The following FAM81A variants were observed in gnomAD, a reference collection of about 807,000 sequenced individuals.
FAM81A encodes the protein protein FAM81A.
A neutral mutation model predicts 46.7 loss-of-function variants in FAM81A; 19 were observed. The ratio of observed to expected loss-of-function variants is 0.41; its 90% CI spans 0.28 to 0.60. The LOEUF is 0.60. FAM81A is among the 20% of genes least tolerant of loss of function. The pLI, the probability that FAM81A is intolerant of heterozygous loss-of-function variation, is 0.34. For missense variants in FAM81A, 377 were observed against 453.5 expected, an observed-to-expected ratio of 0.83 and a Z score of 1.53; for synonymous variants, 183 against 152.9, an observed-to-expected ratio of 1.20 and a Z score of -1.45.
intron 2 of FAM81A, among the ~76,000 whole-genome samples, chr15:59,409,442 G>T (rs937378102): frequency 6.6e-6 from 1 of 152,058 alleles, no homozygotes; most frequent in African/African-American, 2.4e-5. Flanking sequence ...ATGACCATGT[G>T]GTTCATTCCA....
intron 3 of FAM81A, among the ~76,000 whole-genome samples, chr15:59,488,146 A>G (rs541894107): frequency 5.8e-4 from 89 of 152,344 alleles, no homozygotes; most frequent in African/African-American, 2.1e-3. Flanking sequence ...GATACATCAT[A>G]TCAACAAAAT....
chr15:59,484,045 C>T (rs2081888002), intron 3 of FAM81A, among the ~76,000 whole-genome samples: 1 of 152,200 alleles, frequency 6.6e-6, no homozygotes, highest in African/African-American at 2.4e-5. Context: ...CCACAAGCCC[C>T]TTCCACTACT....
upstream of FAM81A, among the ~76,000 whole-genome samples, chr15:59,435,474 G>A (rs147908516): frequency 1.1e-4 from 16 of 152,048 alleles, 1 homozygote; most frequent in East Asian, 3.1e-3. Flanking sequence ...AAAAAAGTTA[G>A]CTGGGCATGG....
At chr15:59,506,788 G>A (rs188546042) in intron 4 of FAM81A, among the ~76,000 whole-genome samples, 2 of 152,272 alleles carry the variant, frequency 1.3e-5, no homozygotes, top group Admixed American at 6.5e-5. Context: ...ACAGCCTTAC[G>A]AGTGATTCAG....
intron 2 of FAM81A, 31 bp from the exon 3 acceptor site, chr15:59,459,902 A>G (rs1319574213): frequency 3.3e-6 from 5 of 1,530,976 alleles, no homozygotes; most frequent in Non-Finnish European, 3.5e-6. Flanking sequence ...ATTTTTTCCC[A>G]ATTAACAACC....
chr15:59,428,864 C>T (rs935306084), intron 2 of FAM81A, among the ~76,000 whole-genome samples: 13 of 152,200 alleles, frequency 8.5e-5, no homozygotes, highest in African/African-American at 3.1e-4. Context: ...CTCCTGAGCA[C>T]AAGTGATCTG....
chr15:59,523,371 G>A lies in FAM81A; in HGVS notation c.*1993G>A, dbSNP rs2141863366. The A allele has an allele frequency of 6.6e-6, 1 of 152,344 alleles. No individual in the cohort carries two copies. Among genetic ancestry groups the A allele is most frequent in the South Asian group, 2.1e-4 (1 of 4,826 alleles). 9.4% of individuals were successfully genotyped at this position (152,344 alleles called of 1,614,324 possible). A position where few individuals can be genotyped will look rare whatever the true frequency, so the allele number is the denominator to read the frequency against. On this transcript the variant is annotated 3_prime_UTR_variant, in exon 9 of 9. Transcript: ENST00000288228. ...AGACCGATTAAGTCAGAACCTCTGG[G>A]AGGTGGGTCGCAGGCATCAGTGCGT...
At chr15:59,509,014 T>C in intron 6 of FAM81A, 45 bp downstream of exon 6, 1 of 1,468,240 alleles carries the variant, frequency 6.8e-7, no homozygotes, top group South Asian at 1.2e-5. Flanking sequence ...AAGTTCTTTA[T>C]GAGTTTATGC....
At chr15:59,489,914 G>A (rs1167358270) in intron 3 of FAM81A, among the ~76,000 whole-genome samples, 1 of 152,108 alleles carries the variant, frequency 6.6e-6, no homozygotes, top group African/African-American at 2.4e-5. Context: ...AATCAAAATG[G>A]ATTAAAGATT....
intron 3 of FAM81A, among the ~76,000 whole-genome samples, chr15:59,472,896 A>G (rs1272232442): frequency 3.9e-5 from 6 of 152,216 alleles, no homozygotes; most frequent in Admixed American, 2.6e-4. Context: ...GCTGGTATCT[A>G]TATTAAGAAT....
rs751401164 is a variant in FAM81A, at chr15:59,459,973, A to G, written c.61A>G (p.Met21Val). 14 of 1,611,698 alleles carry G rather than the reference A, an allele frequency of 8.7e-6. No individual in the cohort carries two copies. The Admixed American group carries it at 1.8e-4, about 21-fold the overall frequency. ...TMPRHSQSLT[M>V]APYSSVSLVE... ...GCCCCGACACAGCCAGTCCCTGACC[A>G]TGGCACCATACTCATCTGTAAGCCT... The change falls in exon 3 of 9, where the codon ATG (methionine) becomes GTG (valine). Residue 21 changes from methionine (M) to valine (V), a missense_variant. Transcript: ENST00000288228.
chr15:59,426,476 G>C (rs2081195304), intron 2 of FAM81A, among the ~76,000 whole-genome samples: 1 of 152,220 alleles, frequency 6.6e-6, no homozygotes, highest in Admixed American at 6.5e-5. Flanking sequence ...AGCCAGGCGT[G>C]GTGGCGCATG....
At chr15:59,472,439 T>G (rs926745918) in intron 3 of FAM81A, among the ~76,000 whole-genome samples, 1 of 152,246 alleles carries the variant, frequency 6.6e-6, no homozygotes. Flanking sequence ...GCAGCCACTT[T>G]GCCTGCGGGA....
intron 3 of FAM81A, among the ~76,000 whole-genome samples, chr15:59,479,566 G>T (rs927783573): frequency 6.7e-6 from 1 of 150,082 alleles, no homozygotes; most frequent in Non-Finnish European, 1.5e-5. Flanking sequence ...ATAAGGTGAC[G>T]TGTGAATTGA....
intron 2 of FAM81A, among the ~76,000 whole-genome samples, chr15:59,432,710 A>G (rs1803292129): frequency 6.6e-6 from 1 of 152,236 alleles, no homozygotes; most frequent in Non-Finnish European, 1.5e-5. Context: ...AGCATTTAGC[A>G]CAGGGTCTGA....
intron 3 of FAM81A, among the ~76,000 whole-genome samples, chr15:59,476,522 T>C (rs1239075181): frequency 6.6e-6 from 1 of 152,236 alleles, no homozygotes; most frequent in Non-Finnish European, 1.5e-5. Context: ...CTCACGCCTG[T>C]AATCCCATCA....
Position 59,521,334 on chromosome 15 carries a change from C to T in FAM81A, c.1063C>T (p.Gln355Ter). The T allele has an allele frequency of 1.2e-6, 2 of 1,613,542 alleles. No individual in the cohort carries two copies. The highest frequency in any genetic ancestry group is 1.7e-6 in the Non-Finnish European group (2 of 1,179,658). ...GATGAAGCTGGACAGGGACCAGCTACAGAAGCAAATCCAGCTGATGCAGAA... is the reference window on the plus strand; with the variant it reads ...GATGAAGCTGGACAGGGACCAGCTATAGAAGCAAATCCAGCTGATGCAGAA... Reference protein sequence around the residue: ...AKMKLDRDQLQKQIQLMQKPE... With the variant: ...AKMKLDRDQL The change falls in exon 9 of 9, where the codon CAG becomes TAG. Residue 355 changes from glutamine to a stop codon, truncating the protein, a stop_gained. Coordinates refer to ENST00000288228, the MANE Select transcript of FAM81A (RefSeq NM_152450.3). LOFTEE classifies it high-confidence loss of function.
At chr15:59,487,892 C>T (rs764428484) in intron 3 of FAM81A, among the ~76,000 whole-genome samples, 2 of 152,116 alleles carry the variant, frequency 1.3e-5, no homozygotes, top group African/African-American at 4.8e-5. Flanking sequence ...TACTTCCAAA[C>T]TCATTCTATG....
chr15:59,430,654 G>A (rs1191847679), intron 2 of FAM81A, among the ~76,000 whole-genome samples: 1 of 152,182 alleles, frequency 6.6e-6, no homozygotes, highest in African/African-American at 2.4e-5. Context: ...ACCACACTGT[G>A]ACAATGTCAC....
Sources: allele counts gnomAD v4.1 joint callset (sites outside exome capture counted in the v4.1 genomes callset), GRCh38; gene constraint gnomAD v4.1.1; transcripts MANE v1.5; gene names NCBI Gene and HGNC (gene_info 2026-07-23, HGNC 2026-07-21).